The following ABHD6 variants were observed in gnomAD, a reference collection of about 807,000 sequenced individuals.
ABHD6 encodes the protein monoacylglycerol lipase ABHD6.
Under a neutral mutation model 38.8 loss-of-function variants are expected in ABHD6, and 33 were observed. The ratio of observed to expected loss-of-function variants is 0.85; its 90% CI spans 0.64 to 1.14. The LOEUF (loss-of-function observed/expected upper bound fraction) is 1.14, where lower values mean the gene tolerates loss of function less well. Ranked by LOEUF, ABHD6 falls within the 50% of genes most tolerant of loss-of-function variation. ABHD6 has a pLI of 0.00. For synonymous variants in ABHD6, 147 were observed against 161.6 expected (o/e 0.91, Z 0.69); for missense variants, 380 against 422.6 (o/e 0.90, Z 0.88).
Position 58,251,304 on chromosome 3 carries a change from G to C in ABHD6, c.-26+1362G>C, listed in dbSNP as rs976954660. Among the ~76,000 whole-genome samples, 17 of 137,984 alleles carry C rather than the reference G, an allele frequency of 1.2e-4. No individual in the cohort carries two copies. Among genetic ancestry groups the C allele is most frequent in the South Asian group, 2.2e-4 (1 of 4,526 alleles). The allele number at this position is 137,984 out of a possible 152,430, so 90.5% of individuals were successfully genotyped here. A position where few individuals can be genotyped will look rare whatever the true frequency, so the allele number is the denominator to read the frequency against. On this transcript the variant is annotated intron_variant, in intron 2 of 9. Transcript: ENST00000478253. This position sits in a 1 kb window ranked among gnomAD's most constrained non-coding sequence, Gnocchi z 5.4. The stretch of plus-strand genomic sequence containing the variant: ...TACACTCCAGCCTGGCTGACAGAGC[G>C]AGACTCCATCTAAAAAAAAAAAAGA...
rs1450092248 is a variant in ABHD6, at chr3:58,289,997, C to G, written c.838-3592C>G. ...GCGGCTGGCCGGGCGGGGGGCTGAC[C>G]CCCCCACCTCCCTCCCGGACGGGGC... On this transcript the variant is annotated intron_variant, in intron 9 of 9. Transcript: ENST00000478253. 3.7e-4 allele frequency among the ~76,000 whole-genome samples: 50 copies of G among 135,770 alleles called. 1 individual carries two copies. The highest frequency in any genetic ancestry group is 6.3e-4 in the Non-Finnish European group (40 of 63,608). 89.1% of individuals were successfully genotyped at this position (135,770 alleles called of 152,430 possible).
intron 3 of ABHD6, among the ~76,000 whole-genome samples, chr3:58,261,609 A>T (rs2097437015): frequency 6.6e-6 from 1 of 152,138 alleles, no homozygotes; most frequent in South Asian, 2.1e-4. Context: ...TGCCCTCCCA[A>T]AGCTCTGGGA....
intron 7 of ABHD6, among the ~76,000 whole-genome samples, chr3:58,276,738 A>C (rs1224841533): frequency 2.6e-5 from 4 of 152,024 alleles, no homozygotes; most frequent in Non-Finnish European, 1.5e-5. Flanking sequence ...TAGGGTTTTT[A>C]TGGTTTTAGG....
rs955789766 is a variant in ABHD6 at position 58,287,673 on chromosome 3, C to T, written c.837+2220C>T. Reference sequence around the variant, plus strand: ...CGAAGGCCTTCTGTTGTTCTAAAAACCCCAAAGGTGATTTGGGGCTCTCAG... The same window carrying T: ...CGAAGGCCTTCTGTTGTTCTAAAAATCCCAAAGGTGATTTGGGGCTCTCAG... On this transcript the variant is annotated intron_variant, in intron 9 of 9. Coordinates refer to ENST00000478253, the MANE Select transcript of ABHD6 (RefSeq NM_001320126.2). This position sits in a 1 kb window ranked among gnomAD's most constrained non-coding sequence, Gnocchi z 4.7. 2.6e-5 allele frequency among the ~76,000 whole-genome samples: 4 copies of T among 152,184 alleles called. No homozygotes were observed. The highest frequency in any genetic ancestry group is 5.9e-5 in the Non-Finnish European group (4 of 68,044).
chr3:58,290,798 G>A (rs897378709), intron 9 of ABHD6, among the ~76,000 whole-genome samples: 1 of 150,822 alleles, frequency 6.6e-6, no homozygotes, highest in Non-Finnish European at 1.5e-5. Flanking sequence ...GGGCAGAGAC[G>A]CTCCTCACTT....
chr3:58,271,142 T>G (rs2097444575), intron 6 of ABHD6, 78 bp downstream of exon 6: 4 of 1,451,918 alleles, frequency 2.8e-6, no homozygotes, highest in Middle Eastern at 4.3e-4. Flanking sequence ...GCTATGACCG[T>G]TTTTTGGAAT....
At position 58,285,141 on chromosome 3, in the gene ABHD6, T is replaced by A. The variant is rs1198875988; in HGVS notation, c.736+2T>A. On this transcript the variant is annotated splice_donor_variant, in intron 8 of 9. Transcript: ENST00000478253. LOFTEE classifies it high-confidence loss of function. This position sits in a 1 kb window ranked among gnomAD's most constrained non-coding sequence, Gnocchi z 4.9. ...CTCATAACAACTTCTACCGAAAGTG[T>A]AAGTAGCCCTACTTTCAGCTTGGAG... 4 of 1,613,790 alleles carry A rather than the reference T, an allele frequency of 2.5e-6. No homozygotes were observed. The African/African-American group carries it at 4.0e-5, about 16-fold the overall frequency.
intron 7 of ABHD6, among the ~76,000 whole-genome samples, chr3:58,279,259 A>G (rs1283374274): frequency 1.3e-5 from 2 of 152,018 alleles, no homozygotes; most frequent in Non-Finnish European, 2.9e-5. Context: ...GGTCTCTAAG[A>G]GCTTGCTTTA....
At chr3:58,272,082 G>A (rs145679426) in intron 6 of ABHD6, among the ~76,000 whole-genome samples, 4 of 152,240 alleles carry the variant, frequency 2.6e-5, no homozygotes, top group Non-Finnish European at 5.9e-5. Context: ...GGGAATAGGC[G>A]TGAGCCACCG....
chr3:58,266,407 G>A lies in ABHD6; in HGVS notation c.120-782G>A, dbSNP rs1007311249. ...TGCAGTGAGCGGAAATTGCCCCAGC[G>A]TGGGTGACAGAGCGAGACTGTATCT... On this transcript the variant is annotated intron_variant, in intron 3 of 9. Transcript: ENST00000478253. The surrounding 1 kb of genome is among the most constrained non-coding windows in gnomAD (Gnocchi z 4.0). Among the ~76,000 whole-genome samples, 11 of 151,184 alleles carry A rather than the reference G, an allele frequency of 7.3e-5. No individual in the cohort carries two copies. The highest frequency in any genetic ancestry group is 2.6e-4 in the Admixed American group (4 of 15,178).
chr3:58,274,528 A>G, intron 6 of ABHD6, 130 bp from the exon 7 acceptor site: 2 of 1,000,252 alleles, frequency 2.0e-6, no homozygotes, highest in Non-Finnish European at 1.4e-6. Flanking sequence ...GTACCAACAA[A>G]AAAGAAATCT....
chr3:58,286,426 G>C (rs1388823098), intron 9 of ABHD6, among the ~76,000 whole-genome samples: 1 of 152,076 alleles, frequency 6.6e-6, no homozygotes. Flanking sequence ...AAAGTGCTGG[G>C]ATTACAAGCA....
chr3:58,276,983 T>C (rs188243175), intron 7 of ABHD6, among the ~76,000 whole-genome samples: 1 of 152,340 alleles, frequency 6.6e-6, no homozygotes, highest in African/African-American at 2.4e-5. Context: ...ATATCTGTTT[T>C]TGTACCAGTA....
chr3:58,258,798 T>C (rs2097435073), intron 3 of ABHD6, among the ~76,000 whole-genome samples: 1 of 152,116 alleles, frequency 6.6e-6, no homozygotes. Context: ...TTGAAACTAA[T>C]TGAATGGAAG....
intron 9 of ABHD6, among the ~76,000 whole-genome samples, chr3:58,286,358 T>G (rs541412307): frequency 1.3e-5 from 2 of 151,940 alleles, no homozygotes; most frequent in East Asian, 1.9e-4. Flanking sequence ...GTTTCACCAT[T>G]TTGGCCAGGC....
chr3:58,240,968 G>A (rs1206559921), intron 1 of ABHD6, among the ~76,000 whole-genome samples: 1 of 151,994 alleles, frequency 6.6e-6, no homozygotes, highest in Non-Finnish European at 1.5e-5. Flanking sequence ...GACCTCAGGT[G>A]ATCTGCCCGC....
chr3:58,262,596 G>T (rs982674960), intron 3 of ABHD6, among the ~76,000 whole-genome samples: 2 of 152,130 alleles, frequency 1.3e-5, no homozygotes, highest in African/African-American at 4.8e-5. Context: ...TCTTCTCTTT[G>T]TTTCTGTTCT....
chr3:58,247,731 C>T (rs963402689), intron 1 of ABHD6, among the ~76,000 whole-genome samples: 5 of 152,144 alleles, frequency 3.3e-5, no homozygotes, highest in African/African-American at 9.7e-5. Flanking sequence ...CACACCACCA[C>T]GCCTGGCTAA....
intron 6 of ABHD6, 97 bp downstream of exon 6, chr3:58,271,161 T>A: frequency 1.5e-6 from 2 of 1,351,758 alleles, no homozygotes; most frequent in Non-Finnish European, 9.9e-7. Flanking sequence ...ATCATCTTTT[T>A]GATGTATGCT....
Sources: gnomAD v4.1 joint callset for allele counts (sites outside exome capture counted in the v4.1 genomes callset) on GRCh38, gnomAD v4.1.1 for gene constraint, Gnocchi (gnomAD v3.1) non-coding constraint, MANE v1.5 for transcripts, NCBI Gene and HGNC (gene_info 2026-07-23, HGNC 2026-07-21) for gene names.